Variants in SNX29 observed in about 807,000 individuals in gnomAD.
The protein encoded by SNX29 is sorting nexin 29, also known as sorting nexin-29.
In SNX29, 78 loss-of-function variants were observed where a neutral mutation model predicts 102.1. The observed-to-expected ratio is 0.76, with a 90% CI of 0.64 to 0.92. SNX29 has a LOEUF of 0.92. SNX29 is among the 40% of genes least tolerant of loss of function. The pLI, the probability that SNX29 is intolerant of heterozygous loss-of-function variation, is 0.00. For missense variants in SNX29, 1,280 were observed against 1,061.7 expected, an observed-to-expected ratio of 1.21 and a Z score of -2.86; for synonymous variants, 580 against 414.5, an observed-to-expected ratio of 1.40 and a Z score of -4.85.
chr16:12,454,389 A>G (rs2086443519), intron 18 of SNX29, among the ~76,000 whole-genome samples: 1 of 152,190 alleles, frequency 6.6e-6, no homozygotes, highest in Non-Finnish European at 1.5e-5. Context: ...GACCCCAGCT[A>G]TTTTGGAACC....
intron 1 of SNX29, among the ~76,000 whole-genome samples, chr16:11,978,328 C>G (rs1406297376): frequency 6.6e-6 from 1 of 152,230 alleles, no homozygotes; most frequent in Non-Finnish European, 1.5e-5. Flanking sequence ...AGTGCAGGCC[C>G]TGAGGCCAGA....
chr16:12,122,603 G>A (rs1596972420), intron 11 of SNX29, among the ~76,000 whole-genome samples: 1 of 152,142 alleles, frequency 6.6e-6, no homozygotes, highest in South Asian at 2.1e-4. Flanking sequence ...TGTTCAGTAT[G>A]GTTGGAGTCT....
In SNX29 at chr16:12,555,080, G is replaced by T. The variant is rs150739095; in HGVS notation, c.2319-13426G>T. On this transcript the variant is annotated intron_variant, in intron 20 of 20. Transcript: ENST00000566228. ...CTGGTTGGAGTTGTGGGGAGGTGGAGGAAAAGTGAAAGGGCCAATCAGGGA... is the reference window on the plus strand; with the variant it reads ...CTGGTTGGAGTTGTGGGGAGGTGGATGAAAAGTGAAAGGGCCAATCAGGGA... 1.2e-4 allele frequency among the ~76,000 whole-genome samples: 18 copies of T among 151,818 alleles called. No individual in the cohort carries two copies. The East Asian group carries it at 3.5e-3, about 30-fold the overall frequency.
Position 12,569,265 on chromosome 16 carries a change from G to C in SNX29, c.*636G>C, listed in dbSNP as rs1260229169. ...AGGAGCCATTAGTGATGTGCAACTTGAGTTCAGAGAACTTCCCCTACCTCC... is the reference window on the plus strand; with the variant it reads ...AGGAGCCATTAGTGATGTGCAACTTCAGTTCAGAGAACTTCCCCTACCTCC... On this transcript the variant is annotated 3_prime_UTR_variant, in exon 21 of 21. Transcript: ENST00000566228. The C allele has an allele frequency of 4.4e-6, 1 of 227,148 alleles. No homozygotes were observed. Among genetic ancestry groups the C allele is most frequent in the Non-Finnish European group, 8.7e-6 (1 of 114,438 alleles). The allele number at this position is 227,148 out of a possible 1,614,324, so 14.1% of individuals were successfully genotyped here.
chr16:12,029,397 A>G (rs1415229306), intron 4 of SNX29, among the ~76,000 whole-genome samples: 1 of 151,850 alleles, frequency 6.6e-6, no homozygotes, highest in African/African-American at 2.4e-5. Context: ...TGAGGAACAA[A>G]GCAAAAATTA....
chr16:12,216,730 A>G (rs910377262), intron 14 of SNX29, among the ~76,000 whole-genome samples: 3 of 51,280 alleles, frequency 5.9e-5, no homozygotes, highest in South Asian at 5.8e-4. Context: ...ACCCACCCCT[A>G]CATCTCGTTT....
chr16:12,538,982 A>C (rs963580012), intron 20 of SNX29, among the ~76,000 whole-genome samples: 1 of 152,168 alleles, frequency 6.6e-6, no homozygotes, highest in Non-Finnish European at 1.5e-5. Flanking sequence ...AAATAGGGAG[A>C]AGATAGAACA....
intron 16 of SNX29, among the ~76,000 whole-genome samples, chr16:12,394,163 C>T (rs866666221): frequency 2.6e-5 from 4 of 152,174 alleles, no homozygotes; most frequent in South Asian, 2.1e-4. Context: ...AGGTTTTAGA[C>T]CCAGTTGTGC....
chr16:12,036,651 T>C (rs116730470), intron 4 of SNX29, among the ~76,000 whole-genome samples: 2 of 110,360 alleles, frequency 1.8e-5, no homozygotes, highest in Non-Finnish European at 4.2e-5. Flanking sequence ...TGTTTTTGTT[T>C]TTGTTGTTGT....
chr16:12,529,462 C>T (rs1035327348), intron 20 of SNX29, among the ~76,000 whole-genome samples: 2 of 152,174 alleles, frequency 1.3e-5, no homozygotes, highest in African/African-American at 2.4e-5. Flanking sequence ...GACCGCAAAT[C>T]GGTGACAGCT....
chr16:12,093,484 C>G (rs12599090), intron 11 of SNX29: 30,050 of 152,146 alleles, frequency 0.2, 3,044 homozygotes, highest in Admixed American at 0.25. Flanking sequence ...CATGGTGGCA[C>G]GTGCCTGTAA....
intron 14 of SNX29, among the ~76,000 whole-genome samples, chr16:12,257,090 C>A (rs567200109): frequency 6.6e-6 from 1 of 152,166 alleles, no homozygotes; most frequent in Admixed American, 6.5e-5. Context: ...CCTTTCCTTG[C>A]TCATTCCGTT....
Position 12,508,063 on chromosome 16 carries a change from C to G in SNX29, c.2179-16639C>G, listed in dbSNP as rs147204839. Among the ~76,000 whole-genome samples the G allele has an allele frequency of 1.4e-4, 22 of 152,366 alleles. No homozygotes were observed. In the South Asian group the frequency reaches 1.7e-3, roughly 11 times the overall value. On this transcript the variant is annotated intron_variant, in intron 19 of 20. Coordinates refer to ENST00000566228, the MANE Select transcript of SNX29 (RefSeq NM_032167.5). ...TGGCCAAGGGCAAGCTAATTGATCT[C>G]TGTGAGTTTCAGTGTTCTTACCTGT...
In SNX29 at chr16:12,473,743, TG is replaced by T. The variant is rs2087465012; in HGVS notation, c.2038-3974del. On this transcript the variant is annotated intron_variant, in intron 18 of 20. Transcript: ENST00000566228. ...CGGCTAAAACCCACCAAAACCAAGATGGCTACTAGAGTGACCTCTGGGTGTC... is the reference window on the plus strand; with the variant it reads ...CGGCTAAAACCCACCAAAACCAAGATGCTACTAGAGTGACCTCTGGGTGTC... Among the ~76,000 whole-genome samples the T allele has an allele frequency of 2.0e-5, 3 of 152,272 alleles. No homozygotes were observed. The South Asian group carries it at 6.2e-4, about 32-fold the overall frequency.
At chr16:12,145,655 G>T (rs896668314) in intron 13 of SNX29, among the ~76,000 whole-genome samples, 5 of 152,148 alleles carry the variant, frequency 3.3e-5, no homozygotes, top group Non-Finnish European at 5.9e-5. Context: ...ATGCATATAT[G>T]TATTTTATAT....
At chr16:11,987,008 G>A (rs142132150) in intron 1 of SNX29, among the ~76,000 whole-genome samples, 14 of 152,258 alleles carry the variant, frequency 9.2e-5, no homozygotes, top group African/African-American at 3.4e-4. Flanking sequence ...GAAAAGCTTC[G>A]GATACAGACA....
chr16:12,290,588 T>G (rs1250422960), intron 15 of SNX29, among the ~76,000 whole-genome samples: 2 of 152,226 alleles, frequency 1.3e-5, no homozygotes, highest in African/African-American at 4.8e-5. Flanking sequence ...TTAATAATTT[T>G]TTTGGTTGCA....
chr16:12,174,407 A>G lies in SNX29; in HGVS notation c.1596-25194A>G, dbSNP rs575931568. ...GACAGTGGTCCCATCTTGGCAAGAT[A>G]CATCGTTTGAGATTTTCAGCCTTGA... On this transcript the variant is annotated intron_variant, in intron 13 of 20. Coordinates refer to ENST00000566228, the MANE Select transcript of SNX29 (RefSeq NM_032167.5). 7.9e-5 allele frequency among the ~76,000 whole-genome samples: 12 copies of G among 152,354 alleles called. No individual in the cohort carries two copies. The East Asian group carries it at 2.3e-3, about 29-fold the overall frequency.
intron 18 of SNX29, among the ~76,000 whole-genome samples, chr16:12,453,284 C>G (rs1445801471): frequency 6.6e-6 from 1 of 152,178 alleles, no homozygotes; most frequent in Non-Finnish European, 1.5e-5. Context: ...CAGAATCATC[C>G]CCCACATGAC....
Sources: allele counts gnomAD v4.1 joint callset (sites outside exome capture counted in the v4.1 genomes callset), GRCh38; gene constraint gnomAD v4.1.1; transcripts MANE v1.5; gene names NCBI Gene and HGNC (gene_info 2026-07-23, HGNC 2026-07-21).